Variants in CC2D2A observed in about 807,000 individuals in gnomAD.
CC2D2A encodes coiled-coil and C2 domain-containing protein 2A.
Under a neutral mutation model 212.9 loss-of-function variants are expected in CC2D2A, and 155 were observed. The observed-to-expected ratio is 0.73, with a 90% confidence interval of 0.64 to 0.83. CC2D2A has a LOEUF of 0.83. Among genes scored for constraint, CC2D2A ranks in the 40% least tolerant of loss-of-function variants. The pLI, the probability that CC2D2A is intolerant of heterozygous loss-of-function variation, is 0.00. For missense variants in CC2D2A, 1,856 were observed against 1,956.2 expected, an observed-to-expected ratio of 0.95 and a Z score of 0.97; for synonymous variants, 667 against 686.5, an observed-to-expected ratio of 0.97 and a Z score of 0.44.
intron 33 of CC2D2A, among the ~76,000 whole-genome samples, chr4:15,589,904 A>C (rs891313095): frequency 6.6e-6 from 1 of 152,042 alleles, no homozygotes; most frequent in Non-Finnish European, 1.5e-5. Flanking sequence ...CCTGCCCGAG[A>C]AGCAGAATGA....
rs764073088 is a variant in CC2D2A at position 15,538,122 on chromosome 4, A to T, written c.1988A>T (p.Asn663Ile). 1 of 1,585,498 alleles carries T rather than the reference A, an allele frequency of 6.3e-7. No individual in the cohort carries two copies. The highest frequency in any genetic ancestry group is 1.1e-5 in the South Asian group (1 of 87,066). ...ELSLAGSVTP[N>I]DQCPRAEVSR... The stretch of plus-strand genomic sequence containing the variant: ...AGCCTGGCAGGAAGCGTAACACCCA[A>T]TGACCAGTGCCCCAGGTGAGTGGAT... The change falls in exon 16 of 37, where the codon AAT (asparagine) becomes ATT (isoleucine). Residue 663 changes from asparagine to isoleucine, a missense_variant. By Grantham distance (149) the Asn-to-Ile change is moderately radical. Transcript: ENST00000424120.
At chr4:15,601,085 A>G (rs905570025) in intron 36 of CC2D2A, among the ~76,000 whole-genome samples, 152 bp from the exon 37 acceptor site, 2 of 152,096 alleles carry the variant, frequency 1.3e-5, no homozygotes, top group Admixed American at 1.3e-4. Flanking sequence ...GCAGCTCTCG[A>G]TTTTCTGTAT....
chr4:15,576,313 T>C (rs1720402884), intron 29 of CC2D2A: 3 of 880,164 alleles, frequency 3.4e-6, no homozygotes, highest in Non-Finnish European at 4.1e-6. Flanking sequence ...GAAGGTCTCA[T>C]CCTAAAATTA....
intron 32 of CC2D2A, 50 bp downstream of exon 32, chr4:15,587,979 A>G (rs1720928856): frequency 3.9e-6 from 4 of 1,037,898 alleles, no homozygotes; most frequent in Non-Finnish European, 5.9e-6. Flanking sequence ...TGTCTAATCG[A>G]GTTGTGTGTT....
chr4:15,492,649 G>A (rs909142733), intron 4 of CC2D2A: 27 of 561,850 alleles, frequency 4.8e-5, no homozygotes, highest in Non-Finnish European at 6.7e-5. Context: ...GACTAAGGGC[G>A]GCAGGGACTC....
intron 27 of CC2D2A, 114 bp from the exon 28 acceptor site, chr4:15,570,284 T>C (rs758160318): frequency 5.0e-5 from 31 of 619,190 alleles, no homozygotes; most frequent in Non-Finnish European, 8.0e-5. Context: ...ATTAGGTCTA[T>C]CTAATATAAG....
intron 14 of CC2D2A, among the ~76,000 whole-genome samples, chr4:15,534,365 G>A: frequency 6.6e-6 from 1 of 152,030 alleles, no homozygotes. Context: ...TACTGTTGGT[G>A]CTTTTTAAAT....
At chr4:15,474,986 CT>C (rs893345228) in intron 1 of CC2D2A, among the ~76,000 whole-genome samples, 1 of 152,038 alleles carries the variant, frequency 6.6e-6, no homozygotes, top group African/African-American at 2.4e-5. Context: ...TAAGAGAGGG[CT>C]TTTTTTGGCC....
At chr4:15,568,389 A>T (rs765301696) in intron 26 of CC2D2A, among the ~76,000 whole-genome samples, 3 of 152,252 alleles carry the variant, frequency 2.0e-5, no homozygotes, top group Non-Finnish European at 4.4e-5. Flanking sequence ...CAGGCCGAGC[A>T]TGGTGGCTCA....
At chr4:15,515,756 T>G (rs939812322) in intron 9 of CC2D2A, 112 bp from the exon 10 acceptor site, 12 of 1,087,640 alleles carry the variant, frequency 1.1e-5, no homozygotes, top group African/African-American at 3.2e-5. Context: ...TTTGGAAAAT[T>G]TGCATTTTCT....
At chr4:15,530,496 T>G (rs1717792576) in intron 13 of CC2D2A, among the ~76,000 whole-genome samples, 1 of 152,150 alleles carries the variant, frequency 6.6e-6, no homozygotes, top group Non-Finnish European at 1.5e-5. Flanking sequence ...AAAAAGCTAT[T>G]CTGAAAGCAA....
At chr4:15,520,680 C>T (rs1717149381) in intron 11 of CC2D2A, among the ~76,000 whole-genome samples, 1 of 152,206 alleles carries the variant, frequency 6.6e-6, no homozygotes, top group Non-Finnish European at 1.5e-5. Flanking sequence ...CACTTGAACC[C>T]AAGACCAGAT....
chr4:15,498,011 C>T (rs547573301), intron 4 of CC2D2A, among the ~76,000 whole-genome samples: 35 of 152,128 alleles, frequency 2.3e-4, no homozygotes, highest in Non-Finnish European at 4.7e-4. Context: ...GTTGTGTTTT[C>T]TGAGGGGTCA....
intron 13 of CC2D2A, 43 bp from the exon 14 acceptor site, chr4:15,533,150 C>T: frequency 6.6e-7 from 1 of 1,517,930 alleles, no homozygotes; most frequent in Non-Finnish European, 8.8e-7. Context: ...TGCAAACACA[C>T]CTGACTTTTT....
At chr4:15,553,070 T>C (rs1382845661) in intron 18 of CC2D2A, 88 bp from the exon 19 acceptor site, 3 of 1,230,248 alleles carry the variant, frequency 2.4e-6, no homozygotes, top group Non-Finnish European at 2.2e-6. Flanking sequence ...CACTCCAAGT[T>C]CCATTTGTCT....
intron 4 of CC2D2A, among the ~76,000 whole-genome samples, chr4:15,492,339 T>C (rs573947644): frequency 6.6e-5 from 10 of 152,290 alleles, no homozygotes; most frequent in Admixed American, 5.2e-4. Context: ...ATCTAGAATA[T>C]TGCAGTAGCC....
chr4:15,515,713 C>G (rs942208035), intron 9 of CC2D2A, among the ~76,000 whole-genome samples, 155 bp from the exon 10 acceptor site: 7 of 152,222 alleles, frequency 4.6e-5, no homozygotes, highest in African/African-American at 1.7e-4. Flanking sequence ...TGAGCACATT[C>G]ATCTTTTCCT....
chr4:15,590,003 T>C (rs545326789), intron 33 of CC2D2A, among the ~76,000 whole-genome samples: 3 of 152,238 alleles, frequency 2.0e-5, no homozygotes, highest in Non-Finnish European at 2.9e-5. Context: ...TCATCCAAAA[T>C]AGAGTTTACA....
At chr4:15,483,425 A>C (rs1714810065) in intron 4 of CC2D2A, among the ~76,000 whole-genome samples, 1 of 152,290 alleles carries the variant, frequency 6.6e-6, no homozygotes, top group Non-Finnish European at 1.5e-5. Flanking sequence ...GCAAGATAGA[A>C]GCAGCCATGT....
Sources: gnomAD v4.1 joint callset for allele counts (sites outside exome capture counted in the v4.1 genomes callset) on GRCh38, gnomAD v4.1.1 for gene constraint, MANE v1.5 for transcripts, NCBI Gene and HGNC (gene_info 2026-07-23, HGNC 2026-07-21) for gene names.